AIG1: variants seen among roughly 807,000 people sequenced by gnomAD.
AIG1 encodes androgen-induced gene 1 protein.
A neutral mutation model predicts 31.4 loss-of-function variants in AIG1; 23 were observed. That is an observed-to-expected ratio of 0.73 (90% CI 0.53 to 1.04). The LOEUF is 1.04. AIG1 is among the 50% of genes least tolerant of loss of function. The probability of loss-of-function intolerance (pLI) is 0.00; values close to 1 mark genes in which losing one functional copy is unlikely to be tolerated. For synonymous variants in AIG1, 100 were observed against 110.5 expected, an observed-to-expected ratio of 0.90 and a Z score of 0.60; for missense variants, 274 against 295.0, an observed-to-expected ratio of 0.93 and a Z score of 0.52.
intron 1 of AIG1, among the ~76,000 whole-genome samples, chr6:143,113,563 A>AGAT (rs1420327977): frequency 8.6e-5 from 13 of 150,602 alleles, no homozygotes; most frequent in African/African-American, 2.7e-4. Context: ...AGATCACGCC[A>AGAT]CTGCACTCCA....
intron 3 of AIG1, among the ~76,000 whole-genome samples, chr6:143,249,752 C>T (rs575624799): frequency 6.6e-6 from 1 of 152,286 alleles, no homozygotes; most frequent in South Asian, 2.1e-4. Flanking sequence ...TGCTTCAACC[C>T]CCCCTATGTT....
chr6:143,094,691 A>G (rs759675319), intron 1 of AIG1, among the ~76,000 whole-genome samples: 8 of 152,134 alleles, frequency 5.3e-5, no homozygotes, highest in Admixed American at 2.0e-4. Flanking sequence ...TATCCTATCT[A>G]TTGAAAAATA....
rs887727780 is a variant in AIG1 at position 143,188,966 on chromosome 6, G to C, written c.399+23783G>C. The C allele has an allele frequency of 5.1e-6, 5 of 984,396 alleles. No homozygotes were observed. The African/African-American group carries it at 8.7e-5, about 17-fold the overall frequency. 61.0% of individuals were successfully genotyped at this position (984,396 alleles called of 1,614,324 possible). On this transcript the variant is annotated intron_variant, in intron 3 of 5. Coordinates refer to ENST00000357847, the MANE Select transcript of AIG1 (RefSeq NM_016108.4). Reference sequence around the variant, plus strand: ...GACTCATCATTTTGTAGTTAAAAAAGTAAGCCATGCAACTGAGATAAAAGT... The same window carrying C: ...GACTCATCATTTTGTAGTTAAAAAACTAAGCCATGCAACTGAGATAAAAGT...
chr6:143,218,577 A>T (rs1369296587), intron 3 of AIG1, among the ~76,000 whole-genome samples: 3 of 152,194 alleles, frequency 2.0e-5, no homozygotes, highest in Non-Finnish European at 4.4e-5. Context: ...TCTTGCTTCC[A>T]CTAAACCAGC....
intron 1 of AIG1, among the ~76,000 whole-genome samples, chr6:143,106,936 T>C (rs531035179): frequency 6.6e-6 from 1 of 152,282 alleles, no homozygotes; most frequent in South Asian, 2.1e-4. Context: ...AGGACACTAA[T>C]ACCATTTATG....
intron 4 of AIG1, among the ~76,000 whole-genome samples, chr6:143,302,763 T>C (rs953990199): frequency 6.6e-6 from 1 of 152,216 alleles, no homozygotes; most frequent in Admixed American, 6.5e-5. Context: ...CTGGGTCAAA[T>C]GGCATTTCTA....
intron 3 of AIG1, among the ~76,000 whole-genome samples, chr6:143,228,736 G>A (rs1465459880): frequency 6.6e-6 from 1 of 152,242 alleles, no homozygotes; most frequent in Non-Finnish European, 1.5e-5. Flanking sequence ...TTGGCCCCAA[G>A]ATGGGTGTGG....
intron 1 of AIG1, among the ~76,000 whole-genome samples, chr6:143,132,482 C>T (rs1015364241): frequency 4.0e-5 from 6 of 150,882 alleles, no homozygotes; most frequent in Non-Finnish European, 5.9e-5. Context: ...TGTTTTTTTT[C>T]CCTCCAGTGG....
chr6:143,196,653 C>T lies in AIG1; in HGVS notation c.399+31470C>T, dbSNP rs146047006. 4.7e-3 allele frequency among the ~76,000 whole-genome samples: 717 copies of T among 152,152 alleles called. 5 individuals carry two copies. Among genetic ancestry groups the T allele is most frequent in the African/African-American group, 0.017 (697 of 41,494 alleles). On this transcript the variant is annotated intron_variant, in intron 3 of 5. Coordinates refer to ENST00000357847, the MANE Select transcript of AIG1 (RefSeq NM_016108.4). ...AAGGCATTGGACTTTGGGCTCCAGGCGTTGACTGTTTCTCAAGATAAATAT... is the reference window on the plus strand; with the variant it reads ...AAGGCATTGGACTTTGGGCTCCAGGTGTTGACTGTTTCTCAAGATAAATAT...
intron 3 of AIG1, among the ~76,000 whole-genome samples, chr6:143,235,113 G>A (rs1212318520): frequency 6.6e-6 from 1 of 152,160 alleles, no homozygotes; most frequent in Non-Finnish European, 1.5e-5. Context: ...GGGATTTAAA[G>A]ATGAACAACA....
At chr6:143,129,240 G>A (rs1583269036) in intron 1 of AIG1, among the ~76,000 whole-genome samples, 1 of 152,044 alleles carries the variant, frequency 6.6e-6, no homozygotes, top group South Asian at 2.1e-4. Context: ...GCAGTGAGCC[G>A]AGATCGCACC....
rs184182144 is a variant in AIG1 at position 143,338,031 on chromosome 6, C to A, written c.680-1608C>A. On this transcript the variant is annotated intron_variant, in intron 5 of 5. Coordinates refer to ENST00000357847, the MANE Select transcript of AIG1 (RefSeq NM_016108.4). The surrounding 1 kb of genome is among the most constrained non-coding windows in gnomAD (Gnocchi z 4.3). Reference sequence around the variant, plus strand: ...TTTTCCCTCTCTAGGTCAATGAATACCCCCCGTTCTCCACCCGCGCTTTTG... The same window carrying A: ...TTTTCCCTCTCTAGGTCAATGAATAACCCCCGTTCTCCACCCGCGCTTTTG... 247 of 398,584 alleles carry A rather than the reference C, an allele frequency of 6.2e-4. No homozygotes were observed. Among genetic ancestry groups the A allele is most frequent in the Non-Finnish European group, 1.3e-4 (30 of 226,068 alleles). 24.7% of individuals were successfully genotyped at this position (398,584 alleles called of 1,614,324 possible).
intron 2 of AIG1, among the ~76,000 whole-genome samples, chr6:143,150,793 A>G (rs576562625): frequency 6.6e-6 from 1 of 152,342 alleles, no homozygotes; most frequent in South Asian, 2.1e-4. Context: ...CCCTTCACAG[A>G]TCAGCGTCAA....
chr6:143,207,484 A>C (rs1029686739), intron 3 of AIG1, among the ~76,000 whole-genome samples: 1 of 151,468 alleles, frequency 6.6e-6, no homozygotes, highest in African/African-American at 2.4e-5. Context: ...TACATGCAGC[A>C]AACTTTCAAT....
At chr6:143,089,683 G>C (rs545891618) in intron 1 of AIG1, among the ~76,000 whole-genome samples, 2 of 152,154 alleles carry the variant, frequency 1.3e-5, no homozygotes, top group African/African-American at 4.8e-5. Context: ...GAAATGTAAC[G>C]GGGAGCCTGA....
intron 1 of AIG1, among the ~76,000 whole-genome samples, chr6:143,123,842 C>T (rs143480603): frequency 6.6e-6 from 1 of 152,264 alleles, no homozygotes; most frequent in East Asian, 1.9e-4. Context: ...ACATAAGCAT[C>T]ACACATTACT....
chr6:143,081,510 G>C (rs1035037314), intron 1 of AIG1, among the ~76,000 whole-genome samples: 5 of 151,080 alleles, frequency 3.3e-5, no homozygotes. Context: ...AAATCTAGTT[G>C]CTAGTCTTCT....
Position 143,060,897 on chromosome 6 carries a change from C to A in AIG1, c.-29C>A, listed in dbSNP as rs751466793. 2 of 1,451,024 alleles carry A rather than the reference C, an allele frequency of 1.4e-6. No homozygotes were observed. Among genetic ancestry groups the A allele is most frequent in the South Asian group, 1.4e-5 (1 of 69,440 alleles). 89.9% of individuals were successfully genotyped at this position (1,451,024 alleles called of 1,614,324 possible). On this transcript the variant is annotated 5_prime_UTR_variant, in exon 1 of 6. Transcript: ENST00000357847. ...CCTCCCTCACGCCCGCCCTCCTTGCCGCCCAGCCGGTCCAGGCCTCTGGCG... is the reference window on the plus strand; with the variant it reads ...CCTCCCTCACGCCCGCCCTCCTTGCAGCCCAGCCGGTCCAGGCCTCTGGCG...
At chr6:143,139,130 T>C (rs1040076653) in intron 2 of AIG1, among the ~76,000 whole-genome samples, 6 of 152,210 alleles carry the variant, frequency 3.9e-5, no homozygotes, top group Non-Finnish European at 7.4e-5. Flanking sequence ...TTGGTGTCTT[T>C]CCTAAAGTTA....
Sources: gnomAD v4.1 joint callset for allele counts (sites outside exome capture counted in the v4.1 genomes callset) on GRCh38, gnomAD v4.1.1 for gene constraint, Gnocchi (gnomAD v3.1) non-coding constraint, MANE v1.5 for transcripts, NCBI Gene and HGNC (gene_info 2026-07-23, HGNC 2026-07-21) for gene names.